Variants in SLC44A3 observed in about 807,000 individuals in gnomAD.
SLC44A3 encodes solute carrier family 44 member 3.
SLC44A3 carries 74 observed loss-of-function variants against 75.4 expected under a neutral mutation model. The observed-to-expected ratio is 0.98, with a 90% confidence interval of 0.81 to 1.19. The LOEUF is 1.19. Among genes scored for constraint, SLC44A3 ranks in the 50% most tolerant of loss-of-function variants. SLC44A3 has a pLI of 0.00. For missense variants in SLC44A3, 700 were observed against 778.6 expected (o/e 0.90, Z 1.20); for synonymous variants, 310 against 296.9 (o/e 1.04, Z -0.45).
At chr1:94,848,481 G>A (rs11165259) in intron 9 of SLC44A3, among the ~76,000 whole-genome samples, 4,694 of 152,234 alleles carry the variant, frequency 0.031, 204 homozygotes, top group East Asian at 0.13. Flanking sequence ...TATGGCTCAG[G>A]ACCAGTGAAG....
chr1:94,846,862 A>G (rs764959890), intron 9 of SLC44A3, among the ~76,000 whole-genome samples: 2 of 152,254 alleles, frequency 1.3e-5, no homozygotes, highest in Non-Finnish European at 2.9e-5. Context: ...TCATATAAGT[A>G]AGAACAGCTG....
chr1:94,850,569 G>C (rs985811816), intron 9 of SLC44A3, among the ~76,000 whole-genome samples: 2 of 152,180 alleles, frequency 1.3e-5, no homozygotes, highest in African/African-American at 4.8e-5. Flanking sequence ...TGGAAAGGAG[G>C]CAGCAGGGTC....
At chr1:94,883,498 C>G (rs1669225143) in intron 12 of SLC44A3, among the ~76,000 whole-genome samples, 1 of 152,016 alleles carries the variant, frequency 6.6e-6, no homozygotes, top group African/African-American at 2.4e-5. Flanking sequence ...AGAGTGAGAC[C>G]CTGTTTCAAA....
At chr1:94,826,088 G>A in intron 3 of SLC44A3, 1 of 355,454 alleles carries the variant, frequency 2.8e-6, no homozygotes, top group South Asian at 2.1e-5. Flanking sequence ...TACTACAACA[G>A]GGATGAACCC....
chr1:94,831,471 C>G (rs1308121011), intron 5 of SLC44A3, among the ~76,000 whole-genome samples: 1 of 152,210 alleles, frequency 6.6e-6, no homozygotes. Flanking sequence ...TCTTCCTCGT[C>G]TGTCGGTCAT....
At chr1:94,893,859 C>T (rs1160293614) in intron 14 of SLC44A3, among the ~76,000 whole-genome samples, 2 of 151,872 alleles carry the variant, frequency 1.3e-5, no homozygotes, top group Non-Finnish European at 2.9e-5. Flanking sequence ...CTTTGGGAAG[C>T]CAAGGCAGGT....
intron 3 of SLC44A3, among the ~76,000 whole-genome samples, chr1:94,826,145 C>A (rs1477983090): frequency 6.6e-6 from 1 of 152,162 alleles, no homozygotes; most frequent in Non-Finnish European, 1.5e-5. Flanking sequence ...AAAATACAAA[C>A]ATTGTATGAT....
chr1:94,880,282 G>A (rs958305859), intron 12 of SLC44A3, among the ~76,000 whole-genome samples: 3 of 152,162 alleles, frequency 2.0e-5, no homozygotes, highest in African/African-American at 7.2e-5. Context: ...AGTGCCCTCA[G>A]CAGATGAATG....
chr1:94,851,695 C>T (rs1665233347), intron 9 of SLC44A3, among the ~76,000 whole-genome samples: 2 of 152,228 alleles, frequency 1.3e-5, no homozygotes, highest in African/African-American at 2.4e-5. Flanking sequence ...TCCTAATCCT[C>T]ATGCTGCCAG....
At chr1:94,848,023 TCGAGAC>T (rs1340925058) in intron 9 of SLC44A3, among the ~76,000 whole-genome samples, 6 of 152,080 alleles carry the variant, frequency 3.9e-5, no homozygotes, top group Admixed American at 3.3e-4. Flanking sequence ...GGTCATGAGA[TCGAGAC>T]CATCCTGGCT....
chr1:94,843,772 G>A (rs574401222), intron 8 of SLC44A3, among the ~76,000 whole-genome samples: 13 of 152,174 alleles, frequency 8.5e-5, no homozygotes, highest in Non-Finnish European at 1.8e-4. Context: ...CAGAGGCACT[G>A]GGGTGCCGTA....
rs201020318 is a variant in SLC44A3, at chr1:94,841,951, G to C, written c.761-49G>C. Reference sequence around the variant, plus strand: ...GTGTGATTCTGTGTGCTGGGGAAAGGTTACCTCATGGCGTGTGCCCTGAGC... The same window carrying C: ...GTGTGATTCTGTGTGCTGGGGAAAGCTTACCTCATGGCGTGTGCCCTGAGC... On this transcript the variant is annotated intron_variant, in intron 7 of 14. Transcript: ENST00000271227. 6 of 1,557,746 alleles carry C rather than the reference G, an allele frequency of 3.9e-6. No homozygotes were observed. In the East Asian group the frequency reaches 9.5e-5, roughly 25 times the overall value.
rs1426568101 is a variant in SLC44A3, at chr1:94,837,969, A to C, written c.670+98A>C. ...CAATGAAAATTAGCCTCTTGTTTTA[A>C]ATATAAAACTCTGTATTTTTAATAG... On this transcript the variant is annotated intron_variant, in intron 6 of 14. Transcript: ENST00000271227. 9.2e-6 allele frequency: 10 copies of C among 1,092,528 alleles called. No individual in the cohort carries two copies. The South Asian group carries it at 9.3e-5, about 10-fold the overall frequency. The allele number at this position is 1,092,528 out of a possible 1,614,324, so 67.7% of individuals were successfully genotyped here.
intron 12 of SLC44A3, among the ~76,000 whole-genome samples, chr1:94,882,018 T>TA (rs148290831): frequency 0.1 from 14,699 of 146,656 alleles, 882 homozygotes; most frequent in Admixed American, 0.21. Context: ...AGACTCCATC[T>TA]AAAAAAAAAA....
chr1:94,881,747 T>C (rs859079), intron 12 of SLC44A3, among the ~76,000 whole-genome samples: 146,129 of 151,116 alleles, frequency 0.97, 70,681 homozygotes, highest in Middle Eastern at 0.98. Context: ...CGTTGGCTCA[T>C]GCCTGCCTGT....
intron 4 of SLC44A3, 62 bp from the exon 5 acceptor site, chr1:94,828,431 C>T: frequency 7.3e-7 from 1 of 1,366,776 alleles, no homozygotes; most frequent in Non-Finnish European, 1.0e-6. Flanking sequence ...GGTAACATGG[C>T]TGTGGTTTCC....
intron 9 of SLC44A3, among the ~76,000 whole-genome samples, chr1:94,850,277 G>C (rs1277870749): frequency 2.0e-5 from 3 of 152,026 alleles, no homozygotes; most frequent in Admixed American, 6.6e-5. Flanking sequence ...GATTTGTCTG[G>C]TACCAGCAAT....
At chr1:94,872,860 A>G (rs572326488) in intron 12 of SLC44A3, among the ~76,000 whole-genome samples, 34 of 152,332 alleles carry the variant, frequency 2.2e-4, no homozygotes, top group African/African-American at 7.7e-4. Flanking sequence ...GTGTTCCAAA[A>G]TGACAGGCTC....
intron 6 of SLC44A3, 72 bp downstream of exon 6, chr1:94,837,943 A>C (rs534439579): frequency 1.8e-5 from 24 of 1,307,098 alleles, no homozygotes; most frequent in South Asian, 3.4e-5. Flanking sequence ...TATATGTTGT[A>C]CAATGAAAAT....
Sources: allele counts gnomAD v4.1 joint callset (sites outside exome capture counted in the v4.1 genomes callset), GRCh38; gene constraint gnomAD v4.1.1; transcripts MANE v1.5; gene names NCBI Gene and HGNC (gene_info 2026-07-23, HGNC 2026-07-21).